DGKB: variants seen among roughly 807,000 people sequenced by gnomAD.
DGKB encodes the protein 90 kDa diacylglycerol kinase.
DGKB carries 67 observed loss-of-function variants against 114.3 expected under a neutral mutation model. The observed-to-expected ratio is 0.59, with a 90% CI of 0.48 to 0.72. The LOEUF is 0.72. Ranked by LOEUF, DGKB falls within the 30% of genes least tolerant of loss-of-function variation. DGKB has a pLI of 0.00. For synonymous variants in DGKB, 398 were observed against 323.1 expected (o/e 1.23, Z -2.49); for missense variants, 907 against 975.2 (o/e 0.93, Z 0.93).
chr7:14,260,738 T>C (rs1050683561), intron 23 of DGKB, among the ~76,000 whole-genome samples: 3 of 152,320 alleles, frequency 2.0e-5, no homozygotes, highest in Non-Finnish European at 2.9e-5. Flanking sequence ...GTAGAGCTAC[T>C]TAATACCGTG....
At chr7:14,243,520 A>C (rs1466743253) in intron 23 of DGKB, among the ~76,000 whole-genome samples, 1 of 152,216 alleles carries the variant, frequency 6.6e-6, no homozygotes, top group East Asian at 1.9e-4. Flanking sequence ...AATGTGTTGC[A>C]TCCACCTAAG....
At chr7:14,610,168 T>A (rs1000700627) in intron 16 of DGKB, among the ~76,000 whole-genome samples, 5 of 152,018 alleles carry the variant, frequency 3.3e-5, no homozygotes, top group Non-Finnish European at 7.4e-5. Flanking sequence ...GGTACATATA[T>A]AGCATGGAAT....
At chr7:14,584,399 C>T (rs1174357478) in intron 17 of DGKB, among the ~76,000 whole-genome samples, 1 of 152,070 alleles carries the variant, frequency 6.6e-6, no homozygotes, top group East Asian at 1.9e-4. Flanking sequence ...TCATTATATC[C>T]CTCTGAATGG....
At chr7:14,653,259 T>G (rs1814997082) in intron 13 of DGKB, among the ~76,000 whole-genome samples, 1 of 150,600 alleles carries the variant, frequency 6.6e-6, no homozygotes. Flanking sequence ...CCAACCCAAA[T>G]GTCCCACAAT....
chr7:14,274,330 C>T (rs1027960293), intron 23 of DGKB, among the ~76,000 whole-genome samples: 2 of 152,146 alleles, frequency 1.3e-5, no homozygotes, highest in African/African-American at 4.8e-5. Flanking sequence ...AACGACTAAT[C>T]CTACCTTAAT....
intron 1 of DGKB, among the ~76,000 whole-genome samples, chr7:14,924,655 C>T (rs903935046): frequency 1.3e-5 from 2 of 151,944 alleles, no homozygotes; most frequent in Non-Finnish European, 2.9e-5. Flanking sequence ...CAAAGGTTTC[C>T]AATTTTTTTT....
intron 1 of DGKB, among the ~76,000 whole-genome samples, chr7:14,853,379 A>G (rs925985899): frequency 9.2e-5 from 14 of 151,832 alleles, no homozygotes; most frequent in African/African-American, 3.4e-4. Flanking sequence ...ACTAAGAAAC[A>G]TTTACAATAT....
intron 2 of DGKB, among the ~76,000 whole-genome samples, chr7:14,793,544 G>A (rs1340812307): frequency 1.3e-5 from 2 of 152,206 alleles, no homozygotes; most frequent in South Asian, 4.1e-4. Flanking sequence ...ACTTTTTAAA[G>A]TATCACTCAA....
intron 1 of DGKB, among the ~76,000 whole-genome samples, chr7:14,913,792 G>A (rs557989068): frequency 5.8e-4 from 88 of 152,166 alleles, no homozygotes; most frequent in Middle Eastern, 3.4e-3. Flanking sequence ...GGGCATGGAA[G>A]TCATCACTCT....
At chr7:14,502,812 A>G (rs773525495) in intron 20 of DGKB, among the ~76,000 whole-genome samples, 4 of 152,102 alleles carry the variant, frequency 2.6e-5, no homozygotes, top group Non-Finnish European at 4.4e-5. Context: ...GTATGCACTG[A>G]TCATTCAAAT....
intron 16 of DGKB, among the ~76,000 whole-genome samples, chr7:14,607,724 G>A (rs180751888): frequency 8.6e-4 from 130 of 151,840 alleles, no homozygotes; most frequent in Admixed American, 3.8e-3. Flanking sequence ...CCACTATTAA[G>A]GCAATATAGT....
At chr7:14,444,104 GT>G (rs1451885367) in intron 21 of DGKB, among the ~76,000 whole-genome samples, 2 of 151,600 alleles carry the variant, frequency 1.3e-5, no homozygotes, top group Non-Finnish European at 3.0e-5. Context: ...AATTTGGCTT[GT>G]TTTTCAAATA....
At position 14,829,376 on chromosome 7, in the gene DGKB, C is replaced by T. The variant is rs191891328; in HGVS notation, c.70+11818G>A. ...ATGAGAAAATTTTCAGATATCTCAG[C>T]CTACAGGCTGTCGGGAAAAGAAGTC... On this transcript the variant is annotated intron_variant, in intron 2 of 25. Transcript: ENST00000402815. 3.1e-3 allele frequency among the ~76,000 whole-genome samples: 467 copies of T among 152,216 alleles called. 2 individuals carry two copies. The highest frequency in any genetic ancestry group is 8.5e-3 in the South Asian group (41 of 4,830).
At chr7:14,878,763 A>AAC (rs1853740637) in intron 1 of DGKB, among the ~76,000 whole-genome samples, 1 of 151,098 alleles carries the variant, frequency 6.6e-6, no homozygotes, top group Non-Finnish European at 1.5e-5. Flanking sequence ...AACAAAAAAA[A>AAC]AAAAACAAAA....
intron 6 of DGKB, among the ~76,000 whole-genome samples, chr7:14,708,235 T>G (rs1441245249): frequency 2.0e-5 from 2 of 99,724 alleles, no homozygotes; most frequent in Admixed American, 2.1e-4. Flanking sequence ...GAGAATAAAA[T>G]ACCTAGGAAT....
At chr7:14,552,027 C>G (rs1795176308) in intron 20 of DGKB, among the ~76,000 whole-genome samples, 1 of 151,936 alleles carries the variant, frequency 6.6e-6, no homozygotes, top group African/African-American at 2.4e-5. Flanking sequence ...TCTTTTGTAT[C>G]TCTTTTTGGA....
chr7:14,939,119 C>T (rs1265377684), intron 1 of DGKB, among the ~76,000 whole-genome samples: 3 of 151,914 alleles, frequency 2.0e-5, no homozygotes, highest in Non-Finnish European at 4.4e-5. Flanking sequence ...ATCATGTTAC[C>T]TGTGGTGCCT....
chr7:14,807,026 G>A (rs1347843905), intron 2 of DGKB, among the ~76,000 whole-genome samples: 4 of 151,848 alleles, frequency 2.6e-5, no homozygotes, highest in South Asian at 2.1e-4. Context: ...TTGTCAGAAG[G>A]AGAGACAAGG....
chr7:14,379,662 C>T (rs1037437687), intron 21 of DGKB, among the ~76,000 whole-genome samples: 1 of 152,092 alleles, frequency 6.6e-6, no homozygotes, highest in African/African-American at 2.4e-5. Flanking sequence ...CAGGTTCAAG[C>T]AATTCTCCTC....
Sources: gnomAD v4.1 joint callset for allele counts (sites outside exome capture counted in the v4.1 genomes callset) on GRCh38, gnomAD v4.1.1 for gene constraint, MANE v1.5 for transcripts, NCBI Gene and HGNC (gene_info 2026-07-23, HGNC 2026-07-21) for gene names.